Variants in ADK observed in about 807,000 individuals in gnomAD.
The protein encoded by ADK is adenosine kinase, also known as N6,N6-dimethyladenosine kinase.
ADK carries 24 observed loss-of-function variants against 44.7 expected under a neutral mutation model. The ratio of observed to expected loss-of-function variants is 0.54; its 90% CI spans 0.39 to 0.76. The LOEUF is 0.76. ADK is among the 30% of genes least tolerant of loss of function. ADK has a pLI of 0.00. For missense variants in ADK, 321 were observed against 425.1 expected, an observed-to-expected ratio of 0.76 and a Z score of 2.15; for synonymous variants, 128 against 142.6, an observed-to-expected ratio of 0.90 and a Z score of 0.73.
At chr10:74,329,332 G>A (rs1841138041) in intron 4 of ADK, among the ~76,000 whole-genome samples, 2 of 152,272 alleles carry the variant, frequency 1.3e-5, no homozygotes, top group South Asian at 4.1e-4. Context: ...GGGGCAAGAA[G>A]GATGTGCAGT....
chr10:74,168,493 C>T (rs1301718694), intron 1 of ADK, among the ~76,000 whole-genome samples: 12 of 140,662 alleles, frequency 8.5e-5, no homozygotes, highest in African/African-American at 2.5e-4. Context: ...GAGCCGAGAT[C>T]GCGCCACTGC....
chr10:74,199,861 A>G lies in ADK; in HGVS notation c.66-903A>G, dbSNP rs778465688. On this transcript the variant is annotated intron_variant, in intron 1 of 10. Coordinates refer to ENST00000539909, the MANE Select transcript of ADK (RefSeq NM_006721.4). ...CACCTGGCTAATTTTTGTATTTTTT[A>G]TACAGATGGGGTTTCACCTTGTTGG... 7.1e-4 allele frequency among the ~76,000 whole-genome samples: 108 copies of G among 151,522 alleles called. 1 individual carries two copies. The highest frequency in any genetic ancestry group is 1.8e-4 in the Non-Finnish European group (12 of 67,866).
At chr10:74,344,175 T>C (rs1319856887) in intron 4 of ADK, among the ~76,000 whole-genome samples, 1 of 152,196 alleles carries the variant, frequency 6.6e-6, no homozygotes, top group Non-Finnish European at 1.5e-5. Flanking sequence ...TAGAGTATCA[T>C]AGTAATACTG....
intron 6 of ADK, among the ~76,000 whole-genome samples, chr10:74,424,359 AC>A (rs1384256159): frequency 6.6e-6 from 1 of 151,704 alleles, no homozygotes; most frequent in Non-Finnish European, 1.5e-5. Flanking sequence ...ACATGGAGAA[AC>A]CCTGCCTCTA....
At chr10:74,227,533 G>A (rs1214923556) in intron 3 of ADK, among the ~76,000 whole-genome samples, 4 of 152,046 alleles carry the variant, frequency 2.6e-5, no homozygotes, top group Admixed American at 1.3e-4. Context: ...AACATAGTGA[G>A]ACCCCATCTC....
At chr10:74,323,281 GTC>G (rs1271140003) in intron 4 of ADK, among the ~76,000 whole-genome samples, 1 of 152,110 alleles carries the variant, frequency 6.6e-6, no homozygotes, top group East Asian at 1.9e-4. Flanking sequence ...TTCTGAAAGA[GTC>G]TCATTTGTTA....
At chr10:74,342,265 A>G (rs1841606601) in intron 4 of ADK, among the ~76,000 whole-genome samples, 1 of 152,176 alleles carries the variant, frequency 6.6e-6, no homozygotes, top group African/African-American at 2.4e-5. Context: ...ATTTTCCATG[A>G]ATGTGGGATG....
intron 7 of ADK, among the ~76,000 whole-genome samples, chr10:74,583,989 G>A (rs1157137028): frequency 6.6e-6 from 1 of 152,284 alleles, no homozygotes; most frequent in Non-Finnish European, 1.5e-5. Flanking sequence ...TAGAGCGAGG[G>A]CTCAGAGAGA....
chr10:74,213,089 G>A (rs1843881662), intron 2 of ADK, among the ~76,000 whole-genome samples: 1 of 152,094 alleles, frequency 6.6e-6, no homozygotes, highest in Non-Finnish European at 1.5e-5. Flanking sequence ...TGTTTTTGGT[G>A]GGTAGAAGAG....
chr10:74,502,941 T>C (rs997885511), intron 6 of ADK, among the ~76,000 whole-genome samples: 1 of 152,188 alleles, frequency 6.6e-6, no homozygotes, highest in African/African-American at 2.4e-5. Context: ...TTCAATTTCT[T>C]TATGTAGTTC....
chr10:74,473,330 G>C (rs927682786), intron 6 of ADK, among the ~76,000 whole-genome samples: 1 of 152,116 alleles, frequency 6.6e-6, no homozygotes, highest in African/African-American at 2.4e-5. Flanking sequence ...TCTTCACCTA[G>C]CTTCTCCTAA....
At chr10:74,196,579 C>T (rs548126972) in intron 1 of ADK, among the ~76,000 whole-genome samples, 61 of 152,214 alleles carry the variant, frequency 4.0e-4, no homozygotes, top group Non-Finnish European at 7.5e-4. Context: ...TTCTATATTA[C>T]AGTTTTATAA....
intron 3 of ADK, among the ~76,000 whole-genome samples, chr10:74,273,510 T>C (rs1591967086): frequency 1.3e-5 from 2 of 151,570 alleles, no homozygotes; most frequent in African/African-American, 4.9e-5. Flanking sequence ...CAGGCTGGAG[T>C]GTGATGGCAT....
intron 7 of ADK, among the ~76,000 whole-genome samples, chr10:74,587,511 AC>A (rs1022074419): frequency 2.6e-5 from 4 of 152,146 alleles, no homozygotes; most frequent in African/African-American, 9.7e-5. Flanking sequence ...AGTACATTGG[AC>A]CATAGGTGCA....
intron 3 of ADK, among the ~76,000 whole-genome samples, chr10:74,242,467 GTTATT>G (rs960743818): frequency 1.3e-5 from 2 of 152,150 alleles, no homozygotes; most frequent in East Asian, 3.9e-4. Context: ...ATTTTAGTGT[GTTATT>G]TTAGATAATT....
At chr10:74,251,795 C>G (rs1469735589) in intron 3 of ADK, among the ~76,000 whole-genome samples, 1 of 151,624 alleles carries the variant, frequency 6.6e-6, no homozygotes, top group East Asian at 1.9e-4. Flanking sequence ...TATGTCATAG[C>G]TAAGGTCTGT....
intron 2 of ADK, among the ~76,000 whole-genome samples, chr10:74,205,908 A>G (rs1452752024): frequency 1.3e-5 from 2 of 152,198 alleles, no homozygotes; most frequent in East Asian, 3.8e-4. Context: ...TGGTAGTGTG[A>G]TGCTTATATG....
At chr10:74,687,073 A>T (rs778637078) in intron 10 of ADK, among the ~76,000 whole-genome samples, 10 of 152,350 alleles carry the variant, frequency 6.6e-5, no homozygotes, top group Admixed American at 1.3e-4. Context: ...AAATGAAGTA[A>T]TGTTTATAAA....
chr10:74,209,664 G>A (rs1334900243), intron 2 of ADK, among the ~76,000 whole-genome samples: 1 of 151,654 alleles, frequency 6.6e-6, no homozygotes, highest in South Asian at 2.1e-4. Flanking sequence ...AGACTGGAGT[G>A]CAGTAGCACA....
Sources: gnomAD v4.1 joint callset for allele counts (sites outside exome capture counted in the v4.1 genomes callset) on GRCh38, gnomAD v4.1.1 for gene constraint, MANE v1.5 for transcripts, NCBI Gene and HGNC (gene_info 2026-07-23, HGNC 2026-07-21) for gene names.